Variants in ASIP observed in about 807,000 individuals in gnomAD.
ASIP encodes the protein agouti-signaling protein.
Under a neutral mutation model 10.3 loss-of-function variants are expected in ASIP, and 11 were observed. The observed-to-expected ratio is 1.07, with a 90% CI of 0.68 to 1.78. ASIP has a LOEUF of 1.78. ASIP is among the 40% of genes most tolerant of loss of function. The probability of loss-of-function intolerance (pLI) is 0.00; values close to 1 mark genes in which losing one functional copy is unlikely to be tolerated. For synonymous variants in ASIP, 70 were observed against 70.8 expected (o/e 0.99, Z 0.06); for missense variants, 180 against 169.2 (o/e 1.06, Z -0.35).
chr20:34,237,497 A>T (rs1391531434), upstream of ASIP, among the ~76,000 whole-genome samples: 1 of 152,186 alleles, frequency 6.6e-6, no homozygotes, highest in Non-Finnish European at 1.5e-5. Context: ...AACTGATATA[A>T]CTTTGTATCC....
At chr20:34,265,929 G>A (rs955149690) in intron 3 of ASIP, among the ~76,000 whole-genome samples, 3 of 150,334 alleles carry the variant, frequency 2.0e-5, no homozygotes, top group East Asian at 2.0e-4. Flanking sequence ...TAGCCTGGGC[G>A]ACAGAGCAAG....
chr20:34,242,029 T>C (rs2035291356), intron 1 of ASIP, among the ~76,000 whole-genome samples: 1 of 152,176 alleles, frequency 6.6e-6, no homozygotes, highest in Admixed American at 6.5e-5. Flanking sequence ...ATTCACACAT[T>C]TTAATGCCCA....
intron 1 of ASIP, chr20:34,246,137 G>C (rs2035370450): frequency 2.1e-6 from 2 of 962,274 alleles, no homozygotes; most frequent in Non-Finnish European, 3.3e-6. Context: ...AATTTCAAAA[G>C]TTGCAAGGCC....
At chr20:34,199,258 G>A (rs2034877885) in intron 1 of ASIP, among the ~76,000 whole-genome samples, 1 of 151,946 alleles carries the variant, frequency 6.6e-6, no homozygotes, top group African/African-American at 2.4e-5. Flanking sequence ...TTTGCAGTTG[G>A]GGGCTATTAC....
chr20:34,239,613 T>G (rs1041292478), upstream of ASIP, among the ~76,000 whole-genome samples: 1 of 152,224 alleles, frequency 6.6e-6, no homozygotes, highest in Non-Finnish European at 1.5e-5. Context: ...TTCAGCCCAG[T>G]GTGGTTGGTA....
intron 1 of ASIP, among the ~76,000 whole-genome samples, chr20:34,249,120 C>T (rs1236501318): frequency 6.6e-6 from 1 of 151,848 alleles, no homozygotes; most frequent in Non-Finnish European, 1.5e-5. Context: ...CAGAGTGAGA[C>T]CCTGTCTCGA....
intron 1 of ASIP, among the ~76,000 whole-genome samples, chr20:34,199,039 G>C (rs918418755): frequency 6.6e-6 from 1 of 151,938 alleles, no homozygotes; most frequent in Non-Finnish European, 1.5e-5. Flanking sequence ...GTGTTTTTAT[G>C]CGTGGCTTCT....
intron 1 of ASIP, among the ~76,000 whole-genome samples, chr20:34,198,107 G>C (rs1455675524): frequency 1.3e-5 from 2 of 149,698 alleles, no homozygotes; most frequent in African/African-American, 5.0e-5. Context: ...ACTCAGGCTG[G>C]AGTGCAGTGG....
chr20:34,256,369 CTT>C (rs1270425880), intron 1 of ASIP, among the ~76,000 whole-genome samples: 2 of 152,320 alleles, frequency 1.3e-5, no homozygotes, highest in African/African-American at 2.4e-5. Context: ...TATTCTGTCT[CTT>C]TGTCTTGTGT....
At chr20:34,254,448 G>A (rs541035854) in intron 1 of ASIP, among the ~76,000 whole-genome samples, 4 of 152,240 alleles carry the variant, frequency 2.6e-5, no homozygotes, top group South Asian at 4.1e-4. Context: ...ATCCAAAAAC[G>A]TTTACCTGTA....
chr20:34,208,866 T>C (rs759935385), intron 1 of ASIP, among the ~76,000 whole-genome samples: 1 of 152,254 alleles, frequency 6.6e-6, no homozygotes, highest in African/African-American at 2.4e-5. Flanking sequence ...TATTTTTTTC[T>C]GTAGCTATCG....
At chr20:34,256,728 C>T (rs1027173643) in intron 1 of ASIP, among the ~76,000 whole-genome samples, 2 of 152,208 alleles carry the variant, frequency 1.3e-5, no homozygotes, top group Non-Finnish European at 2.9e-5. Context: ...ACTACACGTA[C>T]CGCCTCCTAA....
chr20:34,252,004 T>C (rs887746580), intron 1 of ASIP, among the ~76,000 whole-genome samples: 6 of 152,246 alleles, frequency 3.9e-5, no homozygotes, highest in Non-Finnish European at 4.4e-5. Flanking sequence ...ACAGGATTCA[T>C]AGAATTAAGG....
upstream of ASIP, among the ~76,000 whole-genome samples, chr20:34,240,767 A>C (rs185069616): frequency 5.5e-3 from 842 of 152,252 alleles, 6 homozygotes; most frequent in African/African-American, 0.019. Flanking sequence ...TTCTGAATTA[A>C]ATTTTCATTA....
chr20:34,202,328 G>A lies in ASIP; in HGVS notation c.-11+7568G>A, dbSNP rs190362075. Reference sequence around the variant, plus strand: ...AATTGAAATACTACATATGGTCTACGGCCATACCACCCTGAAATATTTTAC... The same window carrying A: ...AATTGAAATACTACATATGGTCTACAGCCATACCACCCTGAAATATTTTAC... On this transcript the variant is annotated intron_variant, in intron 1 of 3. Transcript: ENST00000568305. 2.2e-3 allele frequency among the ~76,000 whole-genome samples: 329 copies of A among 152,218 alleles called. 3 individuals are homozygous for A. The highest frequency in any genetic ancestry group is 7.7e-3 in the African/African-American group (320 of 41,524).
At chr20:34,221,520 G>A (rs1451186913) in intron 1 of ASIP, among the ~76,000 whole-genome samples, 2 of 152,122 alleles carry the variant, frequency 1.3e-5, no homozygotes, top group Non-Finnish European at 2.9e-5. Context: ...GTTGAAATCA[G>A]CAGGATACGT....
At chr20:34,265,820 C>T (rs1193305805) in intron 3 of ASIP, among the ~76,000 whole-genome samples, 1 of 151,928 alleles carries the variant, frequency 6.6e-6, no homozygotes, top group Non-Finnish European at 1.5e-5. Context: ...TATGGTGCTG[C>T]ACGCCTGTAA....
chr20:34,189,540 C>T, the ASIP span, among the ~76,000 whole-genome samples: 30 of 151,974 alleles, frequency 2.0e-4, 1 homozygote, highest in African/African-American at 6.8e-4. Flanking sequence ...CCACACCTGG[C>T]CCTGCTCCCC....
intron 1 of ASIP, among the ~76,000 whole-genome samples, chr20:34,216,214 A>C (rs2035007379): frequency 6.6e-6 from 1 of 152,166 alleles, no homozygotes; most frequent in African/African-American, 2.4e-5. Context: ...GGGCGGGGTC[A>C]GCGCCCCAAG....
Sources: allele counts gnomAD v4.1 joint callset (sites outside exome capture counted in the v4.1 genomes callset), GRCh38; gene constraint gnomAD v4.1.1; transcripts MANE v1.5; gene names NCBI Gene and HGNC (gene_info 2026-07-23, HGNC 2026-07-21).